IL1RAPL2: variants seen among roughly 807,000 people sequenced by gnomAD.
IL1RAPL2 encodes the protein interleukin 1 receptor accessory protein like 2.
A neutral mutation model predicts 44.1 loss-of-function variants in IL1RAPL2; 3 were observed. The ratio of observed to expected loss-of-function variants is 0.07; its 90% CI spans 0.03 to 0.18. The LOEUF is 0.18. IL1RAPL2 is among the 10% of genes least tolerant of loss of function. The pLI, the probability that IL1RAPL2 is intolerant of heterozygous loss-of-function variation, is 1.00. For missense variants in IL1RAPL2, 391 were observed against 496.4 expected, an observed-to-expected ratio of 0.79 and a Z score of 2.02; for synonymous variants, 181 against 178.8, an observed-to-expected ratio of 1.01 and a Z score of -0.10.
chrX:105,553,981 C>G (rs1365241697), intron 6 of IL1RAPL2, among the ~76,000 whole-genome samples: 1 of 113,006 alleles, frequency 8.8e-6, no homozygotes, highest in Non-Finnish European at 1.9e-5. Flanking sequence ...GACCCCTAGC[C>G]TAAGATACCA....
chrX:105,158,208 A>T (rs1294622852), intron 2 of IL1RAPL2, among the ~76,000 whole-genome samples: 1 of 19,681 alleles, frequency 5.1e-5, no homozygotes, highest in Non-Finnish European at 8.8e-5. Flanking sequence ...ATACAAAAAA[A>T]TTACCTGGGT....
chrX:104,913,403 A>G (rs893628287), intron 2 of IL1RAPL2, among the ~76,000 whole-genome samples: 1 of 111,636 alleles, frequency 9.0e-6, no homozygotes, highest in Admixed American at 9.6e-5. Context: ...ATTTCAAAAT[A>G]TCAGTTTCTT....
intron 5 of IL1RAPL2, among the ~76,000 whole-genome samples, chrX:105,318,609 G>C (rs1009864772): frequency 2.7e-5 from 3 of 111,231 alleles, no homozygotes; most frequent in African/African-American, 9.8e-5. Context: ...AGTGTGTATT[G>C]AAAGGACTCT....
intron 10 of IL1RAPL2, among the ~76,000 whole-genome samples, chrX:105,766,064 A>G (rs1489220726): frequency 8.9e-6 from 1 of 112,559 alleles, no homozygotes; most frequent in Non-Finnish European, 1.9e-5. Flanking sequence ...CATGATTCCA[A>G]AGGGATTATT....
chrX:105,221,189 T>C (rs2147627430), intron 3 of IL1RAPL2, among the ~76,000 whole-genome samples: 1 of 111,439 alleles, frequency 9.0e-6, no homozygotes, highest in Non-Finnish European at 1.9e-5. Context: ...AAATAATACC[T>C]GAAGAAATGA....
At chrX:105,571,595 C>T (rs2037014534) in intron 6 of IL1RAPL2, among the ~76,000 whole-genome samples, 1 of 110,879 alleles carries the variant, frequency 9.0e-6, no homozygotes, top group South Asian at 3.8e-4. Context: ...GTAATAATCT[C>T]ATATTATGGT....
At chrX:104,923,213 T>G (rs772207166) in intron 2 of IL1RAPL2, among the ~76,000 whole-genome samples, 10 of 111,924 alleles carry the variant, frequency 8.9e-5, no homozygotes, top group Admixed American at 3.8e-4. Flanking sequence ...AAGAAAATAA[T>G]AAGAAGTTTG....
At chrX:104,830,509 T>C in intron 2 of IL1RAPL2, among the ~76,000 whole-genome samples, 1 of 111,501 alleles carries the variant, frequency 9.0e-6, no homozygotes, top group Middle Eastern at 4.7e-3. Flanking sequence ...TAGTCTTATG[T>C]CCCCAAGAAA....
chrX:105,192,817 A>G (rs2033643530), intron 2 of IL1RAPL2, among the ~76,000 whole-genome samples: 1 of 112,104 alleles, frequency 8.9e-6, no homozygotes, highest in Admixed American at 9.5e-5. Context: ...TTTCTCCATT[A>G]TTGTATTGCT....
intron 1 of IL1RAPL2, among the ~76,000 whole-genome samples, chrX:104,604,343 T>A (rs897016710): frequency 9.0e-6 from 1 of 111,180 alleles, no homozygotes; most frequent in African/African-American, 3.3e-5. Flanking sequence ...TACCAGCCAC[T>A]GCAAAAACAT....
intron 6 of IL1RAPL2, among the ~76,000 whole-genome samples, chrX:105,542,336 G>A (rs972683253): frequency 4.5e-5 from 5 of 112,143 alleles, no homozygotes; most frequent in Non-Finnish European, 9.4e-5. Context: ...GTAGGGCTGT[G>A]TGGCACAATC....
chrX:105,395,808 A>G (rs2035558722), intron 5 of IL1RAPL2, among the ~76,000 whole-genome samples: 1 of 111,954 alleles, frequency 8.9e-6, no homozygotes, highest in African/African-American at 3.2e-5. Context: ...ATACAGCCAA[A>G]TGCTAGGTTC....
chrX:104,582,869 T>TTTTTC lies in IL1RAPL2; in HGVS notation c.-20+15837_-20+15841dup, dbSNP rs200854094. ...CTTTCTTTCTTTCTTTCTTTCTTTC[T>TTTTTC]TTTTCTTTTCTTTTCTTTTCTTTCC... On this transcript the variant is annotated intron_variant, in intron 1 of 10. Coordinates refer to ENST00000372582, the MANE Select transcript of IL1RAPL2 (RefSeq NM_017416.2). Among the ~76,000 whole-genome samples the TTTTTC allele has an allele frequency of 3.4e-3, 303 of 88,513 alleles. 10 individuals are homozygous for TTTTTC. Among genetic ancestry groups the TTTTTC allele is most frequent in the Admixed American group, 9.9e-3 (70 of 7,071 alleles). The allele number at this position is 88,513 out of a possible 115,157, so 76.9% of individuals were successfully genotyped here.
At chrX:105,321,906 A>C (rs927777866) in intron 5 of IL1RAPL2, among the ~76,000 whole-genome samples, 1 of 112,894 alleles carries the variant, frequency 8.9e-6, no homozygotes, top group Non-Finnish European at 1.9e-5. Context: ...TGGTAATAAC[A>C]ATGGATTTTA....
chrX:105,726,232 C>T (rs768746045), intron 7 of IL1RAPL2, among the ~76,000 whole-genome samples: 1 of 111,782 alleles, frequency 8.9e-6, no homozygotes, highest in African/African-American at 3.2e-5. Context: ...CATCTTAAAA[C>T]ATATTGGATA....
intron 3 of IL1RAPL2, among the ~76,000 whole-genome samples, chrX:105,212,597 G>A (rs2033817314): frequency 9.0e-6 from 1 of 111,605 alleles, no homozygotes; most frequent in African/African-American, 3.3e-5. Flanking sequence ...CTGACAAGAG[G>A]GACTCTCCCA....
intron 2 of IL1RAPL2, among the ~76,000 whole-genome samples, chrX:105,041,538 C>T (rs1353782797): frequency 5.5e-5 from 6 of 109,837 alleles, no homozygotes; most frequent in Admixed American, 3.9e-4. Flanking sequence ...AGGACCTCTT[C>T]AAGGAGAACT....
intron 2 of IL1RAPL2, among the ~76,000 whole-genome samples, chrX:104,902,190 G>A (rs1923838764): frequency 9.0e-6 from 1 of 111,609 alleles, no homozygotes; most frequent in African/African-American, 3.3e-5. Flanking sequence ...CCTCAAAGGG[G>A]ACTGCCAAGG....
At chrX:104,699,461 C>T (rs189791856) in intron 2 of IL1RAPL2, among the ~76,000 whole-genome samples, 11 of 111,439 alleles carry the variant, frequency 9.9e-5, no homozygotes, top group Admixed American at 4.8e-4. Context: ...AATCTAATCC[C>T]GCCCCTGATC....
Sources: gnomAD v4.1 joint callset for allele counts (sites outside exome capture counted in the v4.1 genomes callset) on GRCh38, gnomAD v4.1.1 for gene constraint, MANE v1.5 for transcripts, NCBI Gene and HGNC (gene_info 2026-07-23, HGNC 2026-07-21) for gene names.